CABIN1: variants seen among roughly 807,000 people sequenced by gnomAD.
CABIN1 encodes the protein calcineurin-binding protein cabin-1.
In CABIN1, 133 loss-of-function variants were observed where a neutral mutation model predicts 227.7. The observed-to-expected ratio is 0.58, with a 90% CI of 0.51 to 0.67. The LOEUF (loss-of-function observed/expected upper bound fraction) is 0.67, where lower values mean the gene tolerates loss of function less well. Among genes scored for constraint, CABIN1 ranks in the 30% least tolerant of loss-of-function variants. CABIN1 has a pLI of 0.00. For synonymous variants in CABIN1, 1,086 were observed against 1,155.1 expected, an observed-to-expected ratio of 0.94 and a Z score of 1.21; for missense variants, 2,408 against 2,852.5, an observed-to-expected ratio of 0.84 and a Z score of 3.55.
chr22:24,061,048 A>G (rs926092298), intron 12 of CABIN1, among the ~76,000 whole-genome samples: 82 of 152,158 alleles, frequency 5.4e-4, no homozygotes, highest in African/African-American at 1.9e-3. Context: ...ATCCCAAAGC[A>G]CTGGGATGAC....
chr22:24,064,529 T>A (rs1375896072), intron 15 of CABIN1, among the ~76,000 whole-genome samples: 1 of 150,170 alleles, frequency 6.7e-6, no homozygotes, highest in Non-Finnish European at 1.5e-5. Context: ...TTTTTTTTTT[T>A]TTTTTTATTG....
In CABIN1 at chr22:24,166,930, A is replaced by G; in HGVS notation, c.5299A>G (p.Thr1767Ala). The G allele has an allele frequency of 6.2e-7, 1 of 1,603,310 alleles. No individual in the cohort carries two copies. Among genetic ancestry groups the G allele is most frequent in the Non-Finnish European group, 8.5e-7 (1 of 1,175,522 alleles). Residue 1767 changes from threonine to alanine, a missense_variant, in exon 32 of 37, where the codon ACT becomes GCT. Thr to Ala is a moderately conservative substitution (Grantham distance 58, BLOSUM62 0). Coordinates refer to ENST00000263119, the MANE Select transcript of CABIN1 (RefSeq NM_012295.4). ...PTEPMDTSEA[T>A]VCHSDLERTP... ...TGAGCCCATGGACACGAGTGAGGCC[A>G]CTGTTTGCCACTCAGACTTGGAGCG...
At chr22:24,054,129 A>T (rs757165097) in intron 8 of CABIN1, among the ~76,000 whole-genome samples, 2 of 152,216 alleles carry the variant, frequency 1.3e-5, no homozygotes, top group Non-Finnish European at 2.9e-5. Flanking sequence ...GTGCAGCACC[A>T]TGAGGCCAGG....
intron 28 of CABIN1, among the ~76,000 whole-genome samples, chr22:24,121,941 C>T (rs531370861): frequency 1.3e-5 from 2 of 152,188 alleles, no homozygotes; most frequent in South Asian, 2.1e-4. Context: ...AGGCAGATGT[C>T]GAGATGGAAT....
rs542958145 is a variant in CABIN1 at position 24,058,870 on chromosome 22, A to G, written c.1263-357A>G. Among the ~76,000 whole-genome samples, 8 of 152,270 alleles carry G rather than the reference A, an allele frequency of 5.3e-5. No individual in the cohort carries two copies. In the East Asian group the frequency reaches 9.7e-4, roughly 18 times the overall value. On this transcript the variant is annotated intron_variant, in intron 10 of 36. Transcript: ENST00000263119. The stretch of plus-strand genomic sequence containing the variant: ...TTGTGAGGTGGTCCTTATTTGGGTT[A>G]GTTTGTGTACCTGCTTATTGGCTGT...
At chr22:24,152,265 C>T (rs1569289029) in intron 29 of CABIN1, among the ~76,000 whole-genome samples, 1 of 152,208 alleles carries the variant, frequency 6.6e-6, no homozygotes, top group Non-Finnish European at 1.5e-5. Flanking sequence ...AGCATTTGGA[C>T]TCAGTGACAT....
At position 24,119,488 on chromosome 22, in the gene CABIN1, A is replaced by G. The variant is rs771939039; in HGVS notation, c.4422A>G (p.Thr1474=). 1 of 1,613,940 alleles carries G rather than the reference A, an allele frequency of 6.2e-7. No individual in the cohort carries two copies. The highest frequency in any genetic ancestry group is 8.5e-7 in the Non-Finnish European group (1 of 1,179,962). ...ACIPGKPSAS[T]PTLWDGKKRG... ...TCCCTGGCAAGCCCTCAGCATCCACACCCACCCTGTGGGATGGGAAGAAGA... is the reference window on the plus strand; with the variant it reads ...TCCCTGGCAAGCCCTCAGCATCCACGCCCACCCTGTGGGATGGGAAGAAGA... Residue 1474 remains threonine, a synonymous_variant, in exon 28 of 37, where the codon ACA becomes ACG. Coordinates refer to ENST00000263119, the MANE Select transcript of CABIN1 (RefSeq NM_012295.4).
At position 24,026,890 on chromosome 22, in the gene CABIN1, T is replaced by G. The variant is rs367827543; in HGVS notation, c.-74-8554T>G. Among the ~76,000 whole-genome samples, 240 of 152,366 alleles carry G rather than the reference T, an allele frequency of 1.6e-3. 1 individual carries two copies. The highest frequency in any genetic ancestry group is 2.5e-3 in the Non-Finnish European group (170 of 68,026). On this transcript the variant is annotated intron_variant, in intron 1 of 36. Coordinates refer to ENST00000263119, the MANE Select transcript of CABIN1 (RefSeq NM_012295.4). Reference sequence around the variant, plus strand: ...ACCTCTCTGGCCTTCCATTAAATCTTTCTGTCAGCTTATCTATAATTACAA... The same window carrying G: ...ACCTCTCTGGCCTTCCATTAAATCTGTCTGTCAGCTTATCTATAATTACAA...
At chr22:24,077,452 A>G (rs2040521095) in intron 19 of CABIN1, among the ~76,000 whole-genome samples, 1 of 152,208 alleles carries the variant, frequency 6.6e-6, no homozygotes, top group Non-Finnish European at 1.5e-5. Flanking sequence ...CTTAGGCTGA[A>G]TATGTGATTT....
intron 1 of CABIN1, among the ~76,000 whole-genome samples, chr22:24,014,890 G>A (rs550094279): frequency 8.5e-5 from 13 of 152,096 alleles, no homozygotes; most frequent in Non-Finnish European, 1.6e-4. Context: ...ACAGTTAGTT[G>A]TGTATTTTTT....
At chr22:24,145,136 TG>T (rs776887602) in intron 29 of CABIN1, among the ~76,000 whole-genome samples, 31 of 152,038 alleles carry the variant, frequency 2.0e-4, no homozygotes, top group Admixed American at 4.6e-4. Context: ...TACGCAGTGG[TG>T]GGTGGCCAGC....
intron 29 of CABIN1, among the ~76,000 whole-genome samples, chr22:24,144,927 CT>C (rs771203662): frequency 6.6e-5 from 10 of 152,316 alleles, no homozygotes; most frequent in Middle Eastern, 3.4e-3. Context: ...GGAGACAGGC[CT>C]GCCCCTCCTG....
chr22:24,094,734 G>A (rs1296992412), intron 24 of CABIN1, among the ~76,000 whole-genome samples: 4 of 149,818 alleles, frequency 2.7e-5, no homozygotes, highest in Non-Finnish European at 5.9e-5. Flanking sequence ...GGAGAATGGC[G>A]TGAACCCGGG....
At chr22:24,137,009 T>A (rs1329702091) in intron 29 of CABIN1, among the ~76,000 whole-genome samples, 1 of 152,190 alleles carries the variant, frequency 6.6e-6, no homozygotes, top group East Asian at 1.9e-4. Flanking sequence ...AATTTCCCTG[T>A]CCTGGGTTCC....
At chr22:24,167,709 TC>T in intron 32 of CABIN1, among the ~76,000 whole-genome samples, 1 of 152,320 alleles carries the variant, frequency 6.6e-6, no homozygotes. Context: ...TCAAGCACTT[TC>T]CTTTTTCTCC....
chr22:24,150,144 G>A (rs889122817), intron 29 of CABIN1, among the ~76,000 whole-genome samples: 2 of 152,198 alleles, frequency 1.3e-5, no homozygotes, highest in African/African-American at 4.8e-5. Flanking sequence ...AAGAGGGAGG[G>A]CTCCAACTGC....
intron 4 of CABIN1, among the ~76,000 whole-genome samples, chr22:24,039,940 C>T (rs866128996): frequency 6.6e-6 from 1 of 152,196 alleles, no homozygotes; most frequent in South Asian, 2.1e-4. Flanking sequence ...AAGCATTCAC[C>T]CTGACTGGTG....
intron 29 of CABIN1, chr22:24,162,082 G>A (rs971296980): frequency 6.6e-6 from 1 of 152,282 alleles, no homozygotes; most frequent in African/African-American, 2.4e-5. Flanking sequence ...AGCTCCACCT[G>A]GTGTAGGCAG....
chr22:24,035,401 C>G, intron 1 of CABIN1, 43 bp from the exon 2 acceptor site: 1 of 1,387,518 alleles, frequency 7.2e-7, no homozygotes, highest in Non-Finnish European at 1.0e-6. Flanking sequence ...ACCTTCCTGG[C>G]TCTTCATAGG....
Sources: gnomAD v4.1 joint callset for allele counts (sites outside exome capture counted in the v4.1 genomes callset) on GRCh38, gnomAD v4.1.1 for gene constraint, MANE v1.5 for transcripts, NCBI Gene and HGNC (gene_info 2026-07-23, HGNC 2026-07-21) for gene names.